EYS: variants seen among roughly 807,000 people sequenced by gnomAD.
EYS encodes protein eyes shut homolog.
Under a neutral mutation model 282.1 loss-of-function variants are expected in EYS, and 250 were observed. That is an observed-to-expected ratio of 0.89 (90% CI 0.80 to 0.98). The LOEUF (loss-of-function observed/expected upper bound fraction) is 0.98, where lower values mean the gene tolerates loss of function less well. EYS is among the 50% of genes least tolerant of loss of function. The probability of loss-of-function intolerance (pLI) is 0.00; values close to 1 mark genes in which losing one functional copy is unlikely to be tolerated. For missense variants in EYS, 4,016 were observed against 3,709.0 expected, an observed-to-expected ratio of 1.08 and a Z score of -2.15; for synonymous variants, 1,355 against 1,282.9, an observed-to-expected ratio of 1.06 and a Z score of -1.20.
chr6:64,111,793 C>G (rs76286930), intron 31 of EYS, among the ~76,000 whole-genome samples: 1 of 151,854 alleles, frequency 6.6e-6, no homozygotes, highest in East Asian at 1.9e-4. Context: ...GATTTAAATT[C>G]TGGTTGAAAG....
At chr6:65,195,644 C>T (rs1038979888) in intron 12 of EYS, among the ~76,000 whole-genome samples, 1 of 151,896 alleles carries the variant, frequency 6.6e-6, no homozygotes, top group Non-Finnish European at 1.5e-5. Context: ...AAGTATATTG[C>T]TATCTTCTCT....
chr6:65,571,253 C>T (rs1254230482), intron 2 of EYS, among the ~76,000 whole-genome samples: 1 of 151,868 alleles, frequency 6.6e-6, no homozygotes, highest in Admixed American at 6.6e-5. Context: ...ATACCATCTT[C>T]AGCTAAAATA....
chr6:64,939,520 T>A (rs115290987), intron 15 of EYS, among the ~76,000 whole-genome samples: 2,371 of 152,116 alleles, frequency 0.016, 61 homozygotes, highest in African/African-American at 0.054. Flanking sequence ...TCAATTTTTA[T>A]GACGTCTATA....
chr6:64,186,062 A>G (rs1275133023), intron 31 of EYS, among the ~76,000 whole-genome samples: 1 of 152,128 alleles, frequency 6.6e-6, no homozygotes, highest in East Asian at 1.9e-4. Flanking sequence ...TAAGTGAGTA[A>G]AGCAAAGTAG....
At chr6:65,591,161 A>G (rs35999352) in intron 2 of EYS, among the ~76,000 whole-genome samples, 1,638 of 151,986 alleles carry the variant, frequency 0.011, 24 homozygotes, top group African/African-American at 0.025. Flanking sequence ...TTGTCTTTTG[A>G]TAATAGCCAT....
chr6:64,964,840 CG>C (rs1280278194), intron 14 of EYS, among the ~76,000 whole-genome samples: 3 of 151,710 alleles, frequency 2.0e-5, no homozygotes, highest in Non-Finnish European at 2.9e-5. Context: ...AAGACCAGCC[CG>C]GTCAACATGG....
intron 12 of EYS, among the ~76,000 whole-genome samples, chr6:65,125,885 T>C (rs558167036): frequency 4.0e-4 from 61 of 152,266 alleles, no homozygotes; most frequent in Middle Eastern, 6.8e-3. Flanking sequence ...ACAAAACTTT[T>C]TGTGCGCTCT....
At chr6:64,819,038 C>G (rs1227864212) in intron 21 of EYS, among the ~76,000 whole-genome samples, 2 of 152,180 alleles carry the variant, frequency 1.3e-5, no homozygotes, top group Admixed American at 6.6e-5. Context: ...GACCCGAGTG[C>G]TCTTTTCAGT....
At chr6:64,317,245 G>T (rs1770008201) in intron 29 of EYS, among the ~76,000 whole-genome samples, 1 of 150,262 alleles carries the variant, frequency 6.7e-6, no homozygotes, top group Non-Finnish European at 1.5e-5. Flanking sequence ...CACAGAAAAA[G>T]AAACTATCAT....
chr6:64,828,358 A>G (rs1175426242), intron 19 of EYS, among the ~76,000 whole-genome samples: 1 of 151,916 alleles, frequency 6.6e-6, no homozygotes, highest in African/African-American at 2.4e-5. Context: ...GATAACGGAC[A>G]TGGATTTGAC....
chr6:65,394,533 C>T (rs1348470667), intron 7 of EYS, among the ~76,000 whole-genome samples: 1 of 152,084 alleles, frequency 6.6e-6, no homozygotes, highest in Non-Finnish European at 1.5e-5. Flanking sequence ...TGTAGCACTG[C>T]CTTTGGAGAA....
At chr6:64,751,221 C>T (rs948594340) in intron 22 of EYS, among the ~76,000 whole-genome samples, 5 of 152,168 alleles carry the variant, frequency 3.3e-5, no homozygotes, top group African/African-American at 1.2e-4. Context: ...GGCACATTTG[C>T]TCCCCTGGTT....
chr6:64,293,919 C>G (rs982774195), intron 30 of EYS, among the ~76,000 whole-genome samples: 2 of 152,076 alleles, frequency 1.3e-5, no homozygotes, highest in African/African-American at 4.8e-5. Flanking sequence ...TCGTACCTGT[C>G]TACTCTGCCT....
rs952903341 is a variant in EYS, at chr6:64,521,466, C to G, written c.5644+68757G>C. On this transcript the variant is annotated intron_variant, in intron 26 of 42. Coordinates refer to ENST00000503581, the MANE Select transcript of EYS (RefSeq NM_001142800.2). ...AACAGAAGTAATTCTTAAGAAGCAC[C>G]ATCTTGCTATCTCAGCTACTTAGAG... Among the ~76,000 whole-genome samples the G allele has an allele frequency of 1.8e-4, 27 of 151,616 alleles. 1 individual carries two copies. The highest frequency in any genetic ancestry group is 1.8e-3 in the Admixed American group (27 of 15,176).
chr6:65,608,129 T>G (rs889627184), intron 2 of EYS, among the ~76,000 whole-genome samples: 7 of 152,010 alleles, frequency 4.6e-5, no homozygotes, highest in Non-Finnish European at 8.8e-5. Flanking sequence ...TTTGTTATTG[T>G]GTGAACATCA....
At chr6:65,201,972 C>T (rs11964615) in intron 12 of EYS, among the ~76,000 whole-genome samples, 22,518 of 151,828 alleles carry the variant, frequency 0.15, 2,008 homozygotes, top group Non-Finnish European at 0.2. Context: ...ATAAGCTGGG[C>T]GTGGTGACGC....
At chr6:64,300,005 A>C (rs564064395) in intron 30 of EYS, among the ~76,000 whole-genome samples, 1 of 152,162 alleles carries the variant, frequency 6.6e-6, no homozygotes, top group Non-Finnish European at 1.5e-5. Context: ...GGTTTGCCTG[A>C]GTCCCCTCCT....
At position 65,140,697 on chromosome 6, in the gene EYS, A is replaced by T. The variant is rs367833736; in HGVS notation, c.2024-82970T>A. 1.4e-4 allele frequency among the ~76,000 whole-genome samples: 22 copies of T among 152,124 alleles called. No individual in the cohort carries two copies. The South Asian group carries it at 1.5e-3, about 10-fold the overall frequency. On this transcript the variant is annotated intron_variant, in intron 12 of 42. Transcript: ENST00000503581. ...GTGGGCAAAGGATATGAACAGACAC[A>T]TCTCAAAAGAAGACATTTATGCAGC...
At chr6:65,177,078 G>A (rs1765243692) in intron 12 of EYS, among the ~76,000 whole-genome samples, 1 of 151,640 alleles carries the variant, frequency 6.6e-6, no homozygotes, top group Non-Finnish European at 1.5e-5. Context: ...ACATTAATTT[G>A]TGAGTGTTTC....
Sources: allele counts gnomAD v4.1 joint callset (sites outside exome capture counted in the v4.1 genomes callset), GRCh38; gene constraint gnomAD v4.1.1; transcripts MANE v1.5; gene names NCBI Gene and HGNC (gene_info 2026-07-23, HGNC 2026-07-21).